Variants in PDE11A observed in about 807,000 individuals in gnomAD.
The protein encoded by PDE11A is dual 3',5'-cyclic-AMP and -GMP phosphodiesterase 11A.
A neutral mutation model predicts 100.5 loss-of-function variants in PDE11A; 100 were observed. The observed-to-expected ratio is 1.00, with a 90% CI of 0.85 to 1.18. PDE11A has a LOEUF of 1.18. Ranked by LOEUF, PDE11A falls within the 50% of genes most tolerant of loss-of-function variation. The pLI, the probability that PDE11A is intolerant of heterozygous loss-of-function variation, is 0.00. For synonymous variants in PDE11A, 381 were observed against 420.8 expected, an observed-to-expected ratio of 0.91 and a Z score of 1.16; for missense variants, 1,141 against 1,152.6, an observed-to-expected ratio of 0.99 and a Z score of 0.15.
intron 2 of PDE11A, among the ~76,000 whole-genome samples, chr2:178,002,606 G>A (rs528998680): frequency 4.6e-5 from 7 of 152,130 alleles, no homozygotes; most frequent in Non-Finnish European, 8.8e-5. Flanking sequence ...TAACCTAGAA[G>A]TCGTGTGGTC....
chr2:177,832,664 T>C (rs2083331354), intron 6 of PDE11A, among the ~76,000 whole-genome samples: 1 of 151,904 alleles, frequency 6.6e-6, no homozygotes, highest in African/African-American at 2.4e-5. Flanking sequence ...ATCTTGGGAG[T>C]TGGGCAAGCA....
chr2:177,702,533 C>T (rs770444762), intron 13 of PDE11A: 5 of 152,146 alleles, frequency 3.3e-5, no homozygotes, highest in African/African-American at 4.8e-5. Flanking sequence ...CTTGGAAATG[C>T]TGGAGATTGA....
chr2:177,936,922 T>TA (rs527277443), intron 2 of PDE11A, among the ~76,000 whole-genome samples: 15,682 of 146,594 alleles, frequency 0.11, 1,105 homozygotes, highest in Non-Finnish European at 0.15. Context: ...GATTCCATCT[T>TA]AAAAAAAAAA....
intron 6 of PDE11A, among the ~76,000 whole-genome samples, chr2:177,839,303 G>A (rs1360666056): frequency 6.6e-6 from 1 of 152,146 alleles, no homozygotes; most frequent in Non-Finnish European, 1.5e-5. Context: ...CTCAATTTCT[G>A]TAAAATGGGA....
chr2:177,897,676 A>G (rs1323773989), intron 4 of PDE11A, among the ~76,000 whole-genome samples: 1 of 152,176 alleles, frequency 6.6e-6, no homozygotes, highest in Admixed American at 6.5e-5. Context: ...CTGGACTGAA[A>G]TCCACCCCCC....
Position 177,697,333 on chromosome 2 carries a change from C to A in PDE11A, c.2344G>T (p.Glu782Ter). The A allele has an allele frequency of 6.7e-7, 1 of 1,494,128 alleles. No individual in the cohort carries two copies. The highest frequency in any genetic ancestry group is 1.1e-5 in the South Asian group (1 of 88,716). 92.6% of individuals were successfully genotyped at this position (1,494,128 alleles called of 1,614,324 possible). The change falls in exon 15 of 20, where the codon GAG (glutamate) becomes TAG (stop). Residue 782 changes from glutamate (E) to a stop codon, truncating the protein, a stop_gained and splice_region_variant. Coordinates refer to ENST00000286063, the MANE Select transcript of PDE11A (RefSeq NM_016953.4). LOFTEE classifies it high-confidence loss of function. ...AACAGATCAAATGCCAATACCTACT[C>A]AAAGTACAGCGTGAGGTCTGTTGCC... is the stretch of plus-strand genomic sequence containing the variant. ...ILATDLTLYFERRTEFFELVS... is the reference protein window; with the variant it reads ...ILATDLTLYF
intron 2 of PDE11A, among the ~76,000 whole-genome samples, chr2:177,912,117 G>T (rs560855902): frequency 6.6e-6 from 1 of 152,236 alleles, no homozygotes; most frequent in South Asian, 2.1e-4. Flanking sequence ...GCAAACCCAA[G>T]GTGGGCTCCT....
At chr2:177,785,441 G>T (rs2105524394) in intron 9 of PDE11A, among the ~76,000 whole-genome samples, 1 of 152,370 alleles carries the variant, frequency 6.6e-6, no homozygotes, top group African/African-American at 2.4e-5. Flanking sequence ...CCAGTCTACA[G>T]CTCCCAGCAT....
At chr2:177,916,838 C>G (rs1395519942) in intron 2 of PDE11A, among the ~76,000 whole-genome samples, 1 of 151,738 alleles carries the variant, frequency 6.6e-6, no homozygotes, top group Non-Finnish European at 1.5e-5. Flanking sequence ...CAGCTCACTG[C>G]AAGCTCCGCC....
chr2:178,097,800 G>A (rs1178347347), intron 2 of PDE11A, among the ~76,000 whole-genome samples: 1 of 152,132 alleles, frequency 6.6e-6, no homozygotes, highest in Non-Finnish European at 1.5e-5. Context: ...GACAGATACA[G>A]AAGATACTCA....
chr2:177,946,822 C>T (rs1452363664), intron 2 of PDE11A, among the ~76,000 whole-genome samples: 180 of 74,442 alleles, frequency 2.4e-3, no homozygotes, highest in African/African-American at 6.9e-3. Flanking sequence ...CCGCCCCGTC[C>T]GGGAGGGAGG....
intron 4 of PDE11A, among the ~76,000 whole-genome samples, chr2:177,897,115 TAA>T (rs1349906223): frequency 6.6e-6 from 1 of 152,170 alleles, no homozygotes; most frequent in Admixed American, 6.5e-5. Flanking sequence ...CTTTTCTAAG[TAA>T]AGTGTGGCAA....
At chr2:177,665,315 A>C (rs1309511786) in intron 18 of PDE11A, among the ~76,000 whole-genome samples, 1 of 148,262 alleles carries the variant, frequency 6.7e-6, no homozygotes, top group East Asian at 2.0e-4. Context: ...CCTACAAAAA[A>C]AAAAAAAAAA....
chr2:178,079,182 G>A (rs2087252108), intron 2 of PDE11A, among the ~76,000 whole-genome samples: 1 of 152,174 alleles, frequency 6.6e-6, no homozygotes, highest in Admixed American at 6.5e-5. Flanking sequence ...GGGCACATGT[G>A]CAGGGTGTGC....
chr2:177,902,975 C>T (rs1411809434), intron 3 of PDE11A, among the ~76,000 whole-genome samples: 1 of 152,214 alleles, frequency 6.6e-6, no homozygotes, highest in Admixed American at 6.5e-5. Flanking sequence ...AGAGTGAACT[C>T]TATTAAAAGT....
chr2:177,848,914 C>A (rs1256885968), intron 5 of PDE11A, among the ~76,000 whole-genome samples: 1 of 151,366 alleles, frequency 6.6e-6, no homozygotes, highest in Non-Finnish European at 1.5e-5. Flanking sequence ...ATTACTTTTC[C>A]AAAAAAAAGA....
intron 2 of PDE11A, among the ~76,000 whole-genome samples, chr2:177,984,159 T>A (rs1278782808): frequency 1.3e-5 from 2 of 152,188 alleles, no homozygotes; most frequent in Admixed American, 1.3e-4. Context: ...TAGACATGAA[T>A]GGAAAAGACC....
intron 15 of PDE11A, among the ~76,000 whole-genome samples, 195 bp downstream of exon 15, chr2:177,697,137 T>C (rs2365623): frequency 0.93 from 141,499 of 152,250 alleles, 66,171 homozygotes; most frequent in East Asian, 1. Context: ...GTGACTGTAG[T>C]CCTGACTCTC....
intron 2 of PDE11A, among the ~76,000 whole-genome samples, chr2:177,928,933 A>G (rs929478111): frequency 6.6e-6 from 1 of 152,200 alleles, no homozygotes; most frequent in African/African-American, 2.4e-5. Context: ...TTCAATATTT[A>G]TGTTCCTTAA....
Sources: gnomAD v4.1 joint callset for allele counts (sites outside exome capture counted in the v4.1 genomes callset) on GRCh38, gnomAD v4.1.1 for gene constraint, MANE v1.5 for transcripts, NCBI Gene and HGNC (gene_info 2026-07-23, HGNC 2026-07-21) for gene names.